Variants in ZMAT4 observed in about 807,000 individuals in gnomAD.
The protein encoded by ZMAT4 is zinc finger matrin-type protein 4.
ZMAT4 carries 17 observed loss-of-function variants against 28.7 expected under a neutral mutation model. The ratio of observed to expected loss-of-function variants is 0.59; its 90% CI spans 0.41 to 0.89. The LOEUF is 0.89. Among genes scored for constraint, ZMAT4 ranks in the 40% least tolerant of loss-of-function variants. The pLI, the probability that ZMAT4 is intolerant of heterozygous loss-of-function variation, is 0.00. For missense variants in ZMAT4, 240 were observed against 283.8 expected, an observed-to-expected ratio of 0.85 and a Z score of 1.11; for synonymous variants, 117 against 109.2, an observed-to-expected ratio of 1.07 and a Z score of -0.44.
chr8:40,577,823 A>G (rs1418507455), intron 6 of ZMAT4, among the ~76,000 whole-genome samples: 1 of 151,926 alleles, frequency 6.6e-6, no homozygotes, highest in Non-Finnish European at 1.5e-5. Context: ...CAATGAAATT[A>G]TTAAATAATC....
At position 40,746,050 on chromosome 8, in the gene ZMAT4, G is replaced by A. The variant is rs189245809; in HGVS notation, c.192+21591C>T. On this transcript the variant is annotated intron_variant, in intron 3 of 6. Coordinates refer to ENST00000297737, the MANE Select transcript of ZMAT4 (RefSeq NM_024645.3). Reference sequence around the variant, plus strand: ...CATCTTCGCAGCCAGTAGGTTTCCCGGCTCACTTTTCTTCTCTCCTCAAGC... The same window carrying A: ...CATCTTCGCAGCCAGTAGGTTTCCCAGCTCACTTTTCTTCTCTCCTCAAGC... Among the ~76,000 whole-genome samples, 234 of 152,032 alleles carry A rather than the reference G, an allele frequency of 1.5e-3. 1 individual carries two copies. Among genetic ancestry groups the A allele is most frequent in the Non-Finnish European group, 2.9e-3 (197 of 67,972 alleles).
intron 1 of ZMAT4, among the ~76,000 whole-genome samples, chr8:40,878,093 T>G (rs938875230): frequency 6.6e-6 from 1 of 152,120 alleles, no homozygotes; most frequent in African/African-American, 2.4e-5. Flanking sequence ...AGCTCTACAA[T>G]GAATGAATGA....
At chr8:40,811,261 A>C (rs1027259424) in intron 2 of ZMAT4, among the ~76,000 whole-genome samples, 1 of 152,206 alleles carries the variant, frequency 6.6e-6, no homozygotes, top group Non-Finnish European at 1.5e-5. Context: ...TTACAGACAG[A>C]AGCCTGGTCT....
intron 1 of ZMAT4, among the ~76,000 whole-genome samples, chr8:40,882,947 T>C (rs988069655): frequency 6.6e-6 from 1 of 152,102 alleles, no homozygotes; most frequent in Admixed American, 6.5e-5. Flanking sequence ...CACAAACTCC[T>C]TATTGCCGTT....
At chr8:40,565,166 T>G (rs1043312056) in intron 6 of ZMAT4, among the ~76,000 whole-genome samples, 6 of 152,182 alleles carry the variant, frequency 3.9e-5, no homozygotes, top group African/African-American at 1.4e-4. Context: ...TAAACCCTGG[T>G]TTCTTCCCTT....
chr8:40,687,558 A>C (rs1018695515), intron 4 of ZMAT4, among the ~76,000 whole-genome samples: 1 of 152,182 alleles, frequency 6.6e-6, no homozygotes, highest in African/African-American at 2.4e-5. Flanking sequence ...TACACTCTGG[A>C]TGAAACATTT....
chr8:40,832,238 C>A (rs991566038), intron 1 of ZMAT4, among the ~76,000 whole-genome samples: 1 of 152,178 alleles, frequency 6.6e-6, no homozygotes, highest in Non-Finnish European at 1.5e-5. Context: ...GCCTGAAGAG[C>A]CTCGACTGTC....
intron 5 of ZMAT4, among the ~76,000 whole-genome samples, chr8:40,659,293 T>C (rs913110629): frequency 2.6e-5 from 4 of 152,144 alleles, no homozygotes; most frequent in African/African-American, 9.7e-5. Context: ...ATAAATTTAG[T>C]AGACATTGCC....
At chr8:40,779,767 G>A (rs535213047) in intron 2 of ZMAT4, among the ~76,000 whole-genome samples, 3 of 152,238 alleles carry the variant, frequency 2.0e-5, no homozygotes, top group East Asian at 3.9e-4. Context: ...CTCCCTGGTG[G>A]CTGCCAAGCC....
chr8:40,608,008 C>T (rs1585750998), intron 5 of ZMAT4, among the ~76,000 whole-genome samples: 1 of 151,966 alleles, frequency 6.6e-6, no homozygotes, highest in South Asian at 2.1e-4. Flanking sequence ...TGTTGGTTGG[C>T]CTTCAGCCAG....
At chr8:40,669,697 T>C (rs1310594445) in intron 5 of ZMAT4, among the ~76,000 whole-genome samples, 2 of 152,236 alleles carry the variant, frequency 1.3e-5, no homozygotes, top group African/African-American at 4.8e-5. Context: ...TCAACTATGT[T>C]ATTGGTAAGG....
chr8:40,531,954 A>G lies in ZMAT4; in HGVS notation c.*269T>C. The G allele has an allele frequency of 3.0e-6, 1 of 335,504 alleles. No individual in the cohort carries two copies. Among genetic ancestry groups the G allele is most frequent in the Non-Finnish European group, 5.4e-6 (1 of 186,810 alleles). The allele number at this position is 335,504 out of a possible 1,614,324, so 20.8% of individuals were successfully genotyped here. On this transcript the variant is annotated 3_prime_UTR_variant, in exon 7 of 7. Transcript: ENST00000297737. ...TGCTCCAACTGTTTGCTATAGGATT[A>G]TAATTTAGAACATGTGCTAAATATG...
At chr8:40,581,284 G>C in intron 5 of ZMAT4, 23 bp from the exon 6 acceptor site, 1 of 1,601,302 alleles carries the variant, frequency 6.2e-7, no homozygotes, top group Non-Finnish European at 8.6e-7. Context: ...GACAGACCTG[G>C]TTAGCTGCAT....
intron 1 of ZMAT4, among the ~76,000 whole-genome samples, chr8:40,850,046 A>G (rs1173798095): frequency 6.6e-6 from 1 of 152,092 alleles, no homozygotes; most frequent in East Asian, 1.9e-4. Context: ...TCTGCAGTCC[A>G]TGCTGAATCT....
intron 1 of ZMAT4, among the ~76,000 whole-genome samples, chr8:40,875,156 G>A (rs1486413909): frequency 6.6e-6 from 1 of 152,206 alleles, no homozygotes; most frequent in Admixed American, 6.5e-5. Flanking sequence ...GGCCTTCAGA[G>A]TTCTAGCTCT....
chr8:40,786,608 T>C, intron 2 of ZMAT4: 1 of 1,048,168 alleles, frequency 9.5e-7, no homozygotes, highest in Non-Finnish European at 1.3e-6. Context: ...CTGGTTATTC[T>C]CTTGTGAAAT....
intron 5 of ZMAT4, among the ~76,000 whole-genome samples, chr8:40,600,099 G>A (rs780923063): frequency 1.2e-4 from 18 of 152,248 alleles, no homozygotes; most frequent in African/African-American, 2.7e-4. Context: ...ATGCAAGAGC[G>A]CTGCTCCCTG....
At chr8:40,571,140 T>G (rs918298473) in intron 6 of ZMAT4, among the ~76,000 whole-genome samples, 1 of 152,128 alleles carries the variant, frequency 6.6e-6, no homozygotes, top group African/African-American at 2.4e-5. Context: ...ATGAATGAGC[T>G]AAACAATATT....
At chr8:40,568,210 A>T (rs1352484390) in intron 6 of ZMAT4, among the ~76,000 whole-genome samples, 1 of 152,134 alleles carries the variant, frequency 6.6e-6, no homozygotes, top group African/African-American at 2.4e-5. Flanking sequence ...TTTGTCAAAG[A>T]GCTAGAGGAA....
Sources: gnomAD v4.1 joint callset for allele counts (sites outside exome capture counted in the v4.1 genomes callset) on GRCh38, gnomAD v4.1.1 for gene constraint, MANE v1.5 for transcripts, NCBI Gene and HGNC (gene_info 2026-07-23, HGNC 2026-07-21) for gene names.